Variants in ALOX5 observed in about 807,000 individuals in gnomAD.
The protein encoded by ALOX5 is polyunsaturated fatty acid 5-lipoxygenase.
ALOX5 carries 64 observed loss-of-function variants against 87.9 expected under a neutral mutation model. The ratio of observed to expected loss-of-function variants is 0.73; its 90% CI spans 0.60 to 0.90. ALOX5 has a LOEUF of 0.90. Among genes scored for constraint, ALOX5 ranks in the 40% least tolerant of loss-of-function variants. The pLI is 0.00. For missense variants in ALOX5, 822 were observed against 907.5 expected, an observed-to-expected ratio of 0.91 and a Z score of 1.21; for synonymous variants, 388 against 355.1, an observed-to-expected ratio of 1.09 and a Z score of -1.04.
chr10:45,418,494 C>G (rs1034461356), intron 4 of ALOX5, among the ~76,000 whole-genome samples: 11 of 152,204 alleles, frequency 7.2e-5, no homozygotes, highest in Non-Finnish European at 1.3e-4. Flanking sequence ...ACCGCGTCTC[C>G]ACCATCACAC....
At chr10:45,421,135 G>T (rs1386008538) in intron 4 of ALOX5, among the ~76,000 whole-genome samples, 1 of 152,226 alleles carries the variant, frequency 6.6e-6, no homozygotes, top group Non-Finnish European at 1.5e-5. Flanking sequence ...ACAAAAGCGG[G>T]TCTTCGAAGC....
At chr10:45,424,567 G>A (rs1036901345) in intron 5 of ALOX5, among the ~76,000 whole-genome samples, 1 of 152,208 alleles carries the variant, frequency 6.6e-6, no homozygotes, top group Non-Finnish European at 1.5e-5. Context: ...ATAGTGGCCA[G>A]TCATGGCATG....
Position 45,382,467 on chromosome 10 carries a change from C to G in ALOX5, c.151-16C>G, listed in dbSNP as rs765907402. The G allele has an allele frequency of 3.1e-6, 5 of 1,613,950 alleles. No individual in the cohort carries two copies. In the African/African-American group the frequency reaches 6.7e-5, roughly 22 times the overall value. On this transcript the variant is annotated splice_polypyrimidine_tract_variant and intron_variant, in intron 1 of 13. Coordinates refer to ENST00000374391, the MANE Select transcript of ALOX5 (RefSeq NM_000698.5). ...AGGAGACCACGCATGGCCTGATTGCCTGTTCTCCTTCCCAGGTGGATTCAT... is the reference window on the plus strand; with the variant it reads ...AGGAGACCACGCATGGCCTGATTGCGTGTTCTCCTTCCCAGGTGGATTCAT...
chr10:45,398,516 A>G (rs940483416), intron 3 of ALOX5, among the ~76,000 whole-genome samples: 3 of 152,258 alleles, frequency 2.0e-5, no homozygotes, highest in Admixed American at 6.5e-5. Flanking sequence ...GATGTCATCA[A>G]ATTTACAAAC....
At chr10:45,374,964 A>G (rs1041023856) in intron 1 of ALOX5, among the ~76,000 whole-genome samples, 2 of 151,932 alleles carry the variant, frequency 1.3e-5, no homozygotes, top group African/African-American at 2.4e-5. Flanking sequence ...TCCAGACATG[A>G]CCACCAGCTC....
rs1327542841 is a variant in ALOX5 at position 45,425,066 on chromosome 10, C to T, written c.768C>T (p.Leu256=). The T allele has an allele frequency of 3.1e-6, 5 of 1,614,088 alleles. No individual in the cohort carries two copies. The highest frequency in any genetic ancestry group is 3.4e-6 in the Non-Finnish European group (4 of 1,180,030). The change falls in exon 6 of 14, where the codon CTC becomes CTT. Residue 256 remains leucine (L), a synonymous_variant. Coordinates refer to ENST00000374391, the MANE Select transcript of ALOX5 (RefSeq NM_000698.5). The surrounding 1 kb of genome is among the most constrained non-coding windows in gnomAD (Gnocchi z 4.4). ...GCTGCACAGAGCTGCCCGAGAAGCT[C>T]CCGGTGACCACGGAGATGGTAGAGT... ...IRRCTELPEK[L]PVTTEMVECS...
chr10:45,392,422 T>A (rs2132707292), intron 2 of ALOX5, among the ~76,000 whole-genome samples: 1 of 151,614 alleles, frequency 6.6e-6, no homozygotes, highest in East Asian at 1.9e-4. Context: ...AACCCTGTGC[T>A]CTCTGAAACA....
At chr10:45,384,710 C>T (rs565235749) in intron 2 of ALOX5, among the ~76,000 whole-genome samples, 1 of 152,272 alleles carries the variant, frequency 6.6e-6, no homozygotes, top group East Asian at 1.9e-4. Flanking sequence ...AACTGGCACA[C>T]TGTAACTTCC....
chr10:45,419,926 G>A (rs557640478), intron 4 of ALOX5, among the ~76,000 whole-genome samples: 1 of 152,182 alleles, frequency 6.6e-6, no homozygotes, highest in South Asian at 2.1e-4. Context: ...TGATGGCGGA[G>A]GAAAGAGAGG....
intron 2 of ALOX5, among the ~76,000 whole-genome samples, chr10:45,393,738 A>G (rs1840389666): frequency 6.6e-6 from 1 of 152,270 alleles, no homozygotes; most frequent in South Asian, 2.1e-4. Flanking sequence ...CTTAAAGCTG[A>G]TAGGCAACTT....
Position 45,412,328 on chromosome 10 carries a change from A to T in ALOX5, c.554+15A>T. 1 of 1,613,832 alleles carries T rather than the reference A, an allele frequency of 6.2e-7. No individual in the cohort carries two copies. The stretch of plus-strand genomic sequence containing the variant: ...TACTCCAAAGCGTAAGTTTACGAGA[A>T]CTGAGGGACTCTGGGCAGCCCCTCC... On this transcript the variant is annotated intron_variant, in intron 4 of 13. Transcript: ENST00000374391.
At chr10:45,395,999 G>A (rs1840488370) in intron 3 of ALOX5, 63 bp downstream of exon 3, 3 of 1,537,632 alleles carry the variant, frequency 2.0e-6, no homozygotes, top group Non-Finnish European at 2.7e-6. Context: ...CAAGAGCATG[G>A]TATGAAATAA....
At chr10:45,375,574 C>A (rs550374547) in intron 1 of ALOX5, among the ~76,000 whole-genome samples, 17 of 152,352 alleles carry the variant, frequency 1.1e-4, no homozygotes, top group Admixed American at 9.8e-4. Context: ...TGGACAAATA[C>A]AACCGGCAAG....
chr10:45,409,674 T>A (rs149436339), intron 3 of ALOX5, among the ~76,000 whole-genome samples: 1 of 152,298 alleles, frequency 6.6e-6, no homozygotes, highest in African/African-American at 2.4e-5. Context: ...TTTCTACTTC[T>A]TTGTTCCTTC....
intron 3 of ALOX5, among the ~76,000 whole-genome samples, chr10:45,407,948 C>T (rs1317152887): frequency 6.6e-6 from 1 of 152,184 alleles, no homozygotes; most frequent in African/African-American, 2.4e-5. Context: ...ACACAGTTCC[C>T]AGCTTGACAT....
intron 1 of ALOX5, among the ~76,000 whole-genome samples, chr10:45,378,506 T>A (rs138310407): frequency 1.4e-3 from 208 of 152,312 alleles, no homozygotes; most frequent in Non-Finnish European, 2.7e-3. Context: ...CATAATTCAG[T>A]GTGTCACCTG....
intron 2 of ALOX5, among the ~76,000 whole-genome samples, chr10:45,392,072 C>T (rs1215942977): frequency 9.9e-5 from 15 of 151,390 alleles, no homozygotes; most frequent in South Asian, 2.1e-4. Context: ...CCGCCCCGTC[C>T]GAGAGGGAGG....
chr10:45,417,056 G>A (rs79756542), intron 4 of ALOX5, among the ~76,000 whole-genome samples: 2,612 of 152,186 alleles, frequency 0.017, 76 homozygotes, highest in African/African-American at 0.058. Flanking sequence ...AGGAGCCTCT[G>A]TATCTTAGCA....
chr10:45,424,850 C>G, intron 5 of ALOX5, 110 bp from the exon 6 acceptor site: 3 of 1,365,840 alleles, frequency 2.2e-6, no homozygotes, highest in South Asian at 1.3e-5. Flanking sequence ...AGGGAGCACT[C>G]GGGAGAGGAG....
Sources: allele counts gnomAD v4.1 joint callset (sites outside exome capture counted in the v4.1 genomes callset), GRCh38; gene constraint gnomAD v4.1.1; non-coding constraint Gnocchi (gnomAD v3.1); transcripts MANE v1.5; gene names NCBI Gene and HGNC (gene_info 2026-07-23, HGNC 2026-07-21).